EXT1: variants seen among roughly 807,000 people sequenced by gnomAD.
EXT1 encodes the protein exostosin glycosyltransferase 1.
Under a neutral mutation model 82.5 loss-of-function variants are expected in EXT1, and 20 were observed. The observed-to-expected ratio is 0.24, with a 90% CI of 0.17 to 0.35. The LOEUF is 0.35. EXT1 is among the 10% of genes least tolerant of loss of function. EXT1 has a pLI of 1.00. For synonymous variants in EXT1, 348 were observed against 350.8 expected, an observed-to-expected ratio of 0.99 and a Z score of 0.09; for missense variants, 757 against 936.5, an observed-to-expected ratio of 0.81 and a Z score of 2.50.
chr8:117,863,713 C>T (rs879621056), intron 1 of EXT1, among the ~76,000 whole-genome samples: 3 of 152,112 alleles, frequency 2.0e-5, no homozygotes, highest in Non-Finnish European at 4.4e-5. Context: ...CTTACCCTGC[C>T]CGGCTCCAGA....
At chr8:118,014,089 A>G (rs566277562) in intron 1 of EXT1, among the ~76,000 whole-genome samples, 3 of 152,214 alleles carry the variant, frequency 2.0e-5, no homozygotes, top group Non-Finnish European at 4.4e-5. Context: ...AAAGATAATG[A>G]TGATGGCGAT....
intron 1 of EXT1, among the ~76,000 whole-genome samples, chr8:117,946,100 T>C (rs1450324776): frequency 2.0e-5 from 3 of 152,186 alleles, no homozygotes; most frequent in East Asian, 1.9e-4. Flanking sequence ...GATTTTGCCA[T>C]GTTGGCCAGG....
intron 1 of EXT1, among the ~76,000 whole-genome samples, chr8:118,070,868 A>G (rs1370022653): frequency 6.6e-6 from 1 of 152,194 alleles, no homozygotes; most frequent in Non-Finnish European, 1.5e-5. Context: ...CTAAAAAGGG[A>G]AAAAAGACTA....
At chr8:117,936,043 A>C (rs1393177029) in intron 1 of EXT1, among the ~76,000 whole-genome samples, 2 of 152,218 alleles carry the variant, frequency 1.3e-5, no homozygotes, top group African/African-American at 4.8e-5. Flanking sequence ...TCAGCCCACA[A>C]AAAGCTCTGC....
At chr8:117,955,680 C>G (rs190866812) in intron 1 of EXT1, among the ~76,000 whole-genome samples, 13 of 152,232 alleles carry the variant, frequency 8.5e-5, no homozygotes, top group East Asian at 3.9e-4. Flanking sequence ...CTCAACCTCC[C>G]GAGTAGCTGG....
At chr8:117,840,449 C>A (rs955281727) in intron 1 of EXT1, among the ~76,000 whole-genome samples, 2 of 152,000 alleles carry the variant, frequency 1.3e-5, no homozygotes, top group Non-Finnish European at 2.9e-5. Context: ...CTCAACTCTA[C>A]TAAAAATACA....
At chr8:117,979,145 G>C (rs1815129354) in intron 1 of EXT1, among the ~76,000 whole-genome samples, 1 of 152,100 alleles carries the variant, frequency 6.6e-6, no homozygotes, top group African/African-American at 2.4e-5. Flanking sequence ...ATGAGGTCAG[G>C]AGTTTGAGAC....
Position 118,111,823 on chromosome 8 carries a change from T to C in EXT1, c.-777A>G, listed in dbSNP as rs1380225755. The C allele has an allele frequency of 6.7e-6, 1 of 149,384 alleles. No homozygotes were observed. The highest frequency in any genetic ancestry group is 2.4e-5 in the African/African-American group (1 of 41,134). The allele number at this position is 149,384 out of a possible 1,614,324, so 9.3% of individuals were successfully genotyped here. A position where few individuals can be genotyped will look rare whatever the true frequency, so the allele number is the denominator to read the frequency against. On this transcript the variant is annotated 5_prime_UTR_variant, in exon 1 of 11. Transcript: ENST00000378204. ...CCGACCGCCGCGTTCGGTCGCCGAA[T>C]GTTACCCGGTTCTGAATGTTACACT...
chr8:118,001,555 G>C (rs1222408016), intron 1 of EXT1, among the ~76,000 whole-genome samples: 1 of 151,704 alleles, frequency 6.6e-6, no homozygotes, highest in East Asian at 1.9e-4. Context: ...TACACACTCT[G>C]CTTTACTGAC....
intron 1 of EXT1, among the ~76,000 whole-genome samples, chr8:118,071,857 T>C (rs1191707463): frequency 6.6e-6 from 1 of 151,956 alleles, no homozygotes; most frequent in Non-Finnish European, 1.5e-5. Flanking sequence ...TGAGCTCCTA[T>C]TGCATAAGAA....
At position 117,819,762 on chromosome 8, in the gene EXT1, T is replaced by A. The variant is rs763107867; in HGVS notation, c.1450A>T (p.Ile484Phe). Residue 484 changes from isoleucine to phenylalanine, a missense_variant, in exon 6 of 11, where the codon ATC (isoleucine) becomes TTC (phenylalanine). Transcript: ENST00000378204. Reference protein sequence around the residue: ...LKPPSKFTAVIHAVTPLVSQS... With the variant: ...LKPPSKFTAVFHAVTPLVSQS... ...GAGACCAGGGGGGTCACCGCATGGATGACTGCAGTGAATTTGGAGGGGGGC... is the reference window on the plus strand; with the variant it reads ...GAGACCAGGGGGGTCACCGCATGGAAGACTGCAGTGAATTTGGAGGGGGGC... 65 of 1,613,372 alleles carry A rather than the reference T, an allele frequency of 4.0e-5. No homozygotes were observed. The highest frequency in any genetic ancestry group is 6.7e-5 in the Admixed American group (4 of 59,996).
Position 117,797,488 on chromosome 8 carries a change from T to C in EXT1, c.*2224A>G, listed in dbSNP as rs1823103199. The C allele has an allele frequency of 6.6e-6, 1 of 152,242 alleles. No individual in the cohort carries two copies. The highest frequency in any genetic ancestry group is 2.4e-5 in the African/African-American group (1 of 41,464). 9.4% of individuals were successfully genotyped at this position (152,242 alleles called of 1,614,324 possible). On this transcript the variant is annotated 3_prime_UTR_variant, in exon 11 of 11. Coordinates refer to ENST00000378204, the MANE Select transcript of EXT1 (RefSeq NM_000127.3). Reference sequence around the variant, plus strand: ...GACTGACTGGTACAATTAGGGACATTGCTTTGCAAGCCAATATGACCACCT... The same window carrying C: ...GACTGACTGGTACAATTAGGGACATCGCTTTGCAAGCCAATATGACCACCT...
In EXT1 at chr8:118,111,193, A is replaced by T; in HGVS notation, c.-147T>A. 8.7e-7 allele frequency: 1 copy of T among 1,147,052 alleles called. No individual in the cohort carries two copies. 71.1% of individuals were successfully genotyped at this position (1,147,052 alleles called of 1,614,324 possible). On this transcript the variant is annotated 5_prime_UTR_variant, in exon 1 of 11. In the 5' UTR this introduces an upstream ATG that the reference lacks. Coordinates refer to ENST00000378204, the MANE Select transcript of EXT1 (RefSeq NM_000127.3). ...CACCTTCTCTGGATGCCTTTCCCCA[A>T]GCCGTGGACTGATCCAGCGCATGTG... is the stretch of plus-strand genomic sequence containing the variant.
intron 1 of EXT1, among the ~76,000 whole-genome samples, chr8:117,853,878 G>T (rs112963661): frequency 2.1e-4 from 32 of 152,346 alleles, no homozygotes; most frequent in South Asian, 2.1e-3. Flanking sequence ...GCATCTCTAC[G>T]AAGAAGGAAA....
At chr8:117,846,387 C>T (rs991475007) in intron 1 of EXT1, among the ~76,000 whole-genome samples, 2 of 152,182 alleles carry the variant, frequency 1.3e-5, no homozygotes, top group Admixed American at 6.5e-5. Flanking sequence ...GGATTATAGG[C>T]GTGAGCCATC....
At chr8:117,858,754 A>AGGCAGGCAGGC (rs1554581723) in intron 1 of EXT1, among the ~76,000 whole-genome samples, 2 of 56,766 alleles carry the variant, frequency 3.5e-5, no homozygotes, top group Non-Finnish European at 7.9e-5. Flanking sequence ...GGAAGGAAGG[A>AGGCAGGCAGGC]AGGAAGGAAG....
chr8:117,953,797 CT>C (rs1338741883), intron 1 of EXT1, among the ~76,000 whole-genome samples: 1 of 152,090 alleles, frequency 6.6e-6, no homozygotes, highest in East Asian at 1.9e-4. Flanking sequence ...GTAGTCCCAG[CT>C]ACTCGGGAGG....
intron 1 of EXT1, among the ~76,000 whole-genome samples, chr8:117,940,498 G>A (rs1204074436): frequency 1.3e-5 from 2 of 152,164 alleles, no homozygotes; most frequent in Non-Finnish European, 2.9e-5. Context: ...CAATTCAAAC[G>A]ACCTTTACTA....
intron 1 of EXT1, among the ~76,000 whole-genome samples, chr8:118,060,949 C>G (rs1309680937): frequency 6.6e-6 from 1 of 152,110 alleles, no homozygotes; most frequent in African/African-American, 2.4e-5. Context: ...ATGGTGAAAC[C>G]AAAAACAGAA....
Sources: allele counts gnomAD v4.1 joint callset (sites outside exome capture counted in the v4.1 genomes callset), GRCh38; gene constraint gnomAD v4.1.1; transcripts MANE v1.5; gene names NCBI Gene and HGNC (gene_info 2026-07-23, HGNC 2026-07-21).